The following DISC1 variants were observed in gnomAD, a reference collection of about 807,000 sequenced individuals.
DISC1 encodes DISC1 scaffold protein.
Under a neutral mutation model 84.5 loss-of-function variants are expected in DISC1, and 57 were observed. The observed-to-expected ratio is 0.67, with a 90% CI of 0.55 to 0.84. The LOEUF is 0.84. Among genes scored for constraint, DISC1 ranks in the 40% least tolerant of loss-of-function variants. The pLI, the probability that DISC1 is intolerant of heterozygous loss-of-function variation, is 0.00. For missense variants in DISC1, 1,000 were observed against 1,057.8 expected (o/e 0.95, Z 0.76); for synonymous variants, 411 against 415.2 (o/e 0.99, Z 0.12).
chr1:231,935,669 C>T (rs1470648687), intron 9 of DISC1, among the ~76,000 whole-genome samples: 3 of 152,160 alleles, frequency 2.0e-5, no homozygotes, highest in Non-Finnish European at 4.4e-5. Context: ...AAGCTAACAC[C>T]TAAGGCATAA....
At chr1:231,668,212 G>A (rs1246253694) in intron 1 of DISC1, among the ~76,000 whole-genome samples, 1 of 152,012 alleles carries the variant, frequency 6.6e-6, no homozygotes, top group Non-Finnish European at 1.5e-5. Context: ...TTATTACTAT[G>A]ATTAATTTTT....
intron 4 of DISC1, among the ~76,000 whole-genome samples, chr1:231,756,041 A>G (rs796558404): frequency 1.1e-4 from 16 of 152,344 alleles, no homozygotes; most frequent in African/African-American, 3.6e-4. Flanking sequence ...AAAAGTCTTC[A>G]CGATCCAGCC....
chr1:231,745,111 A>G (rs1167269139), intron 3 of DISC1, among the ~76,000 whole-genome samples: 2 of 152,226 alleles, frequency 1.3e-5, no homozygotes, highest in Non-Finnish European at 2.9e-5. Flanking sequence ...CACTTAAAAA[A>G]TTTGCAAATA....
chr1:231,766,298 A>AG (rs1364812252), intron 4 of DISC1, among the ~76,000 whole-genome samples: 13 of 150,142 alleles, frequency 8.7e-5, no homozygotes, highest in Non-Finnish European at 1.5e-4. Flanking sequence ...TAAAAAAAAA[A>AG]AAAAAAAAAC....
chr1:231,972,825 A>G (rs796568350), intron 10 of DISC1, among the ~76,000 whole-genome samples: 1 of 152,200 alleles, frequency 6.6e-6, no homozygotes, highest in African/African-American at 2.4e-5. Flanking sequence ...TAAGAAACAA[A>G]TGAAACTGGT....
chr1:231,957,543 C>T (rs1011791237), intron 9 of DISC1, among the ~76,000 whole-genome samples: 2 of 152,130 alleles, frequency 1.3e-5, no homozygotes, highest in African/African-American at 4.8e-5. Context: ...GTGTGTGGCA[C>T]ATAAATATGT....
chr1:231,787,363 G>T (rs1457690978), intron 6 of DISC1, among the ~76,000 whole-genome samples: 7 of 152,082 alleles, frequency 4.6e-5, no homozygotes, highest in Admixed American at 4.6e-4. Flanking sequence ...CCCATGGCAG[G>T]AAGCAGAAGG....
At chr1:231,939,303 G>A (rs970659263) in intron 9 of DISC1, among the ~76,000 whole-genome samples, 1 of 152,206 alleles carries the variant, frequency 6.6e-6, no homozygotes, top group African/African-American at 2.4e-5. Context: ...TGCCTGGCAT[G>A]TAGTAGTTGC....
chr1:231,884,391 T>G (rs985875160), intron 9 of DISC1, among the ~76,000 whole-genome samples: 3 of 152,226 alleles, frequency 2.0e-5, no homozygotes, highest in African/African-American at 7.2e-5. Context: ...GATAATGGCT[T>G]CCAGCTCCAT....
At chr1:231,632,940 G>A (rs949714402) in intron 1 of DISC1, among the ~76,000 whole-genome samples, 1 of 152,116 alleles carries the variant, frequency 6.6e-6, no homozygotes, top group Non-Finnish European at 1.5e-5. Flanking sequence ...GCATGGTGGC[G>A]TGTGCCTGTA....
chr1:231,972,553 C>T (rs2102827396), intron 10 of DISC1, among the ~76,000 whole-genome samples: 1 of 152,254 alleles, frequency 6.6e-6, no homozygotes, highest in Non-Finnish European at 1.5e-5. Flanking sequence ...GTTAGTCTAC[C>T]TAGGAAGAAG....
At chr1:231,736,032 T>G (rs2072448338) in intron 3 of DISC1, among the ~76,000 whole-genome samples, 1 of 152,224 alleles carries the variant, frequency 6.6e-6, no homozygotes, top group Non-Finnish European at 1.5e-5. Flanking sequence ...CAGTCTGATC[T>G]TGAATTTCTG....
At chr1:231,657,724 T>C (rs2061231672) in intron 1 of DISC1, among the ~76,000 whole-genome samples, 1 of 152,202 alleles carries the variant, frequency 6.6e-6, no homozygotes. Context: ...TCAGCACCAT[T>C]TATTAAATAT....
intron 9 of DISC1, among the ~76,000 whole-genome samples, chr1:231,902,097 A>T (rs1190651103): frequency 6.6e-6 from 1 of 152,052 alleles, no homozygotes; most frequent in African/African-American, 2.4e-5. Flanking sequence ...TCAGTACATT[A>T]TGGCAACTTT....
Position 231,913,006 on chromosome 1 carries a change from C to G in DISC1, c.1982-45822C>G, listed in dbSNP as rs140849755. ...TACTGCAGCCTCCACCTCCCAGGCTCAAGTGATCCTCCCTCCTCAGCCACC... is the reference window on the plus strand; with the variant it reads ...TACTGCAGCCTCCACCTCCCAGGCTGAAGTGATCCTCCCTCCTCAGCCACC... On this transcript the variant is annotated intron_variant, in intron 9 of 12. Coordinates refer to ENST00000439617, the MANE Select transcript of DISC1 (RefSeq NM_018662.3). Among the ~76,000 whole-genome samples, 95 of 152,110 alleles carry G rather than the reference C, an allele frequency of 6.2e-4. 1 individual carries two copies. The East Asian group carries it at 0.016, about 25-fold the overall frequency.
chr1:231,994,930 G>A (rs1665709614), intron 10 of DISC1, among the ~76,000 whole-genome samples: 1 of 152,106 alleles, frequency 6.6e-6, no homozygotes, highest in Non-Finnish European at 1.5e-5. Flanking sequence ...ATTCTATTAG[G>A]AAGGGCAAGA....
intron 9 of DISC1, among the ~76,000 whole-genome samples, chr1:231,873,398 T>C (rs565264136): frequency 6.6e-6 from 1 of 152,310 alleles, no homozygotes; most frequent in Admixed American, 6.5e-5. Context: ...AAGACTTGTG[T>C]TTCAGCCCCT....
intron 9 of DISC1, among the ~76,000 whole-genome samples, chr1:231,865,815 C>A (rs1375752409): frequency 6.6e-6 from 1 of 152,158 alleles, no homozygotes; most frequent in African/African-American, 2.4e-5. Context: ...TCATACAAGG[C>A]CCTCTTGGAA....
chr1:232,007,983 C>T (rs895639087), intron 10 of DISC1, among the ~76,000 whole-genome samples: 2 of 152,158 alleles, frequency 1.3e-5, no homozygotes, highest in African/African-American at 4.8e-5. Context: ...TGCACTTCTC[C>T]TTCCTGCCAC....
Sources: allele counts gnomAD v4.1 joint callset (sites outside exome capture counted in the v4.1 genomes callset), GRCh38; gene constraint gnomAD v4.1.1; transcripts MANE v1.5; gene names NCBI Gene and HGNC (gene_info 2026-07-23, HGNC 2026-07-21).